The following NAV1 variants were observed in gnomAD, a reference collection of about 807,000 sequenced individuals.
The protein encoded by NAV1 is pore membrane and/or filament interacting like protein 3.
A neutral mutation model predicts 175.2 loss-of-function variants in NAV1; 18 were observed. The ratio of observed to expected loss-of-function variants is 0.10; its 90% CI spans 0.07 to 0.15. The LOEUF (loss-of-function observed/expected upper bound fraction) is 0.15. Ranked by LOEUF, NAV1 falls within the 10% of genes least tolerant of loss-of-function variation. The probability of loss-of-function intolerance (pLI) is 1.00; values close to 1 mark genes in which losing one functional copy is unlikely to be tolerated. For synonymous variants in NAV1, 897 were observed against 978.7 expected (o/e 0.92, Z 1.56); for missense variants, 1,731 against 2,436.6 (o/e 0.71, Z 6.10).
At chr1:201,754,144 A>G (rs1674307485) in intron 3 of NAV1, among the ~76,000 whole-genome samples, 1 of 152,192 alleles carries the variant, frequency 6.6e-6, no homozygotes, top group Non-Finnish European at 1.5e-5. Flanking sequence ...GATTCATTCA[A>G]CAAGTATTTA....
In NAV1 at chr1:201,744,312, G is replaced by GTATTTATT. The variant is rs769362512; in HGVS notation, c.1226+25560_1226+25561insTTATTTAT. Reference sequence around the variant, plus strand: ...AAGGAGCTGACGGCTATGTATGTATGTATGTATTTATTTATTTATTTATTT... The same window carrying GTATTTATT: ...AAGGAGCTGACGGCTATGTATGTATGTATTTATTTATGTATTTATTTATTTATTTATTT... On this transcript the variant is annotated intron_variant, in intron 3 of 29. Transcript: ENST00000367296. Among the ~76,000 whole-genome samples the GTATTTATT allele has an allele frequency of 8.1e-3, 1,173 of 145,622 alleles. 5 individuals carry two copies. The highest frequency in any genetic ancestry group is 0.018 in the East Asian group (91 of 4,984).
chr1:201,616,549 G>A lies in NAV1; in HGVS notation c.-32-6304G>A, dbSNP rs555849565. On this transcript the variant is annotated intron_variant, in intron 2 of 33. Transcript: ENST00000685211. ...GTTGCCCAGGCTGGAGTGCAATAGC[G>A]CAATCTCGGCTCACTGCAACCTCCG... is the stretch of plus-strand genomic sequence containing the variant. Among the ~76,000 whole-genome samples the A allele has an allele frequency of 7.3e-4, 111 of 151,928 alleles. 1 individual carries two copies. Among genetic ancestry groups the A allele is most frequent in the South Asian group, 1.9e-3 (9 of 4,808 alleles).
At chr1:201,780,702 G>T in intron 4 of NAV1, 143 bp downstream of exon 8, 2 of 1,126,160 alleles carry the variant, frequency 1.8e-6, no homozygotes, top group Non-Finnish European at 1.2e-6. Context: ...TTTTAGAGTT[G>T]CCCCCACCCC....
Position 201,813,313 on chromosome 1 carries a change from A to G in NAV1, c.5340+55A>G. 1.8e-6 allele frequency: 2 copies of G among 1,132,440 alleles called. No homozygotes were observed. The highest frequency in any genetic ancestry group is 2.6e-6 in the Non-Finnish European group (2 of 760,770). The allele number at this position is 1,132,440 out of a possible 1,614,324, so 70.1% of individuals were successfully genotyped here. On this transcript the variant is annotated intron_variant, in intron 28 of 29. Coordinates refer to ENST00000367296, the Ensembl canonical transcript of NAV1. The surrounding 1 kb of genome is among the most constrained non-coding windows in gnomAD (Gnocchi z 4.2). ...AAGATCAGGCTGTCCTACCTAACAA[A>G]GTAGGAATGTTTCTTTAATGTTAGG...
rs1357283116 is a variant in NAV1 at position 201,740,303 on chromosome 1, G to A, written c.1226+21548G>A. Reference sequence around the variant, plus strand: ...GAGCTCCTGGACGTTTGGCTTACGGGCATCTGGGGCTGGGAGTGGGTGTGT... The same window carrying A: ...GAGCTCCTGGACGTTTGGCTTACGGACATCTGGGGCTGGGAGTGGGTGTGT... On this transcript the variant is annotated intron_variant, in intron 3 of 29. Transcript: ENST00000367296. This position sits in a 1 kb window ranked among gnomAD's most constrained non-coding sequence, Gnocchi z 4.7. Among the ~76,000 whole-genome samples, 1 of 152,256 alleles carries A rather than the reference G, an allele frequency of 6.6e-6. No individual in the cohort carries two copies. The highest frequency in any genetic ancestry group is 2.4e-5 in the African/African-American group (1 of 41,474).
chr1:201,786,569 C>A (rs1392255788), exon 9 of NAV1: 1 of 1,613,194 alleles, frequency 6.2e-7, no homozygotes, highest in Non-Finnish European at 8.5e-7. Flanking sequence ...GGCCAACTTA[C>A]CAACATAGGT....
chr1:201,808,207 G>A lies in NAV1; in HGVS notation c.3845+58G>A. Reference sequence around the variant, plus strand: ...TGTTACCAGTGTAAGCTGTGGGCTAGAGTTGACAGGAGGCCATTAGACCTT... The same window carrying A: ...TGTTACCAGTGTAAGCTGTGGGCTAAAGTTGACAGGAGGCCATTAGACCTT... On this transcript the variant is annotated intron_variant, in intron 18 of 29. Coordinates refer to ENST00000367296, the Ensembl canonical transcript of NAV1. The surrounding 1 kb of genome is among the most constrained non-coding windows in gnomAD (Gnocchi z 5.5). 6.3e-7 allele frequency: 1 copy of A among 1,581,382 alleles called. No individual in the cohort carries two copies. Among genetic ancestry groups the A allele is most frequent in the Non-Finnish European group, 8.7e-7 (1 of 1,155,244 alleles).
chr1:201,558,345 C>T (rs929843707), intron 1 of NAV1, among the ~76,000 whole-genome samples: 1 of 152,158 alleles, frequency 6.6e-6, no homozygotes, highest in Admixed American at 6.6e-5. Context: ...AATGAATGAG[C>T]CCAGTGCTCA....
At chr1:201,708,908 G>T (rs970500327) in intron 1 of NAV1, among the ~76,000 whole-genome samples, 4 of 152,094 alleles carry the variant, frequency 2.6e-5, no homozygotes, top group Non-Finnish European at 4.4e-5. Flanking sequence ...CAGCACTTTG[G>T]GGGGCTGAGT....
chr1:201,685,932 C>G (rs1670668077), intron 1 of NAV1, among the ~76,000 whole-genome samples: 1 of 152,232 alleles, frequency 6.6e-6, no homozygotes, highest in Non-Finnish European at 1.5e-5. Flanking sequence ...TTTAAGGCCA[C>G]TGTGAACTAA....
intron 6 of NAV1, 34 bp from the exon 11 acceptor site, chr1:201,783,372 A>G (rs531692962): frequency 5.6e-6 from 9 of 1,593,022 alleles, no homozygotes; most frequent in Middle Eastern, 1.7e-4. Context: ...CTGTAATTCT[A>G]TTATTCTAAA....
chr1:201,590,038 G>A (rs920765337), intron 2 of NAV1, among the ~76,000 whole-genome samples: 2 of 152,136 alleles, frequency 1.3e-5, no homozygotes, highest in Admixed American at 6.5e-5. Context: ...GATTACAGGT[G>A]CGCACCATCA....
intron 1 of NAV1, among the ~76,000 whole-genome samples, chr1:201,697,790 T>A (rs927562591): frequency 2.0e-5 from 3 of 152,290 alleles, no homozygotes; most frequent in African/African-American, 7.2e-5. Context: ...AAACCACACC[T>A]CTTCTCCTAC....
At chr1:201,583,985 G>T (rs1467106238) in intron 1 of NAV1, among the ~76,000 whole-genome samples, 2 of 152,290 alleles carry the variant, frequency 1.3e-5, no homozygotes, top group South Asian at 2.1e-4. Context: ...AAAAATTAAA[G>T]AATCCAACTG....
At chr1:201,761,469 C>T (rs1401571155) in intron 3 of NAV1, among the ~76,000 whole-genome samples, 1 of 152,160 alleles carries the variant, frequency 6.6e-6, no homozygotes, top group Non-Finnish European at 1.5e-5. Flanking sequence ...GATTTCTCAG[C>T]CTAGTAGTAT....
intron 1 of NAV1, among the ~76,000 whole-genome samples, chr1:201,660,243 C>G (rs1377085502): frequency 6.6e-6 from 1 of 152,220 alleles, no homozygotes; most frequent in Admixed American, 6.5e-5. Context: ...CCCACTGCCA[C>G]AGTGGATGGC....
chr1:201,590,753 G>A lies in NAV1; in HGVS notation c.-33+2104G>A, dbSNP rs546329862. ...GCCGAGTCGGCCAGGCCTCTTGCCC[G>A]TCTGAGAACTCTTTTTGCCCCATTT... On this transcript the variant is annotated intron_variant, in intron 2 of 33. Coordinates refer to the NAV1 transcript ENST00000685211. Among the ~76,000 whole-genome samples, 36 of 152,320 alleles carry A rather than the reference G, an allele frequency of 2.4e-4. 1 individual carries two copies. In the South Asian group the frequency reaches 6.4e-3, roughly 27 times the overall value.
chr1:201,590,917 A>T (rs1056785132), intron 2 of NAV1, among the ~76,000 whole-genome samples: 2 of 152,158 alleles, frequency 1.3e-5, no homozygotes, highest in African/African-American at 4.8e-5. Flanking sequence ...ATGTCTTTCT[A>T]ATGGCCATGT....
chr1:201,681,990 TC>T (rs1327632021), intron 1 of NAV1, among the ~76,000 whole-genome samples: 7 of 151,810 alleles, frequency 4.6e-5, no homozygotes, highest in African/African-American at 1.7e-4. Flanking sequence ...GTGATGCACA[TC>T]CGTAATCCCA....
Sources: allele counts gnomAD v4.1 joint callset (sites outside exome capture counted in the v4.1 genomes callset), GRCh38; gene constraint gnomAD v4.1.1; non-coding constraint Gnocchi (gnomAD v3.1); transcripts MANE v1.5; gene names NCBI Gene and HGNC (gene_info 2026-07-23, HGNC 2026-07-21).